Variants in ASB5 observed in about 807,000 individuals in gnomAD.
ASB5 encodes the protein ankyrin repeat and SOCS box protein 5.
A neutral mutation model predicts 42.1 loss-of-function variants in ASB5; 45 were observed. That is an observed-to-expected ratio of 1.07 (90% CI 0.84 to 1.37). ASB5 has a LOEUF of 1.37. Among genes scored for constraint, ASB5 ranks in the 40% most tolerant of loss-of-function variants. ASB5 has a pLI of 0.00. For missense variants in ASB5, 402 were observed against 399.8 expected (o/e 1.01, Z -0.05); for synonymous variants, 147 against 150.6 (o/e 0.98, Z 0.18).
intron 1 of ASB5, among the ~76,000 whole-genome samples, chr4:176,258,380 C>T (rs1306303277): frequency 5.9e-5 from 9 of 152,114 alleles, no homozygotes; most frequent in Non-Finnish European, 1.3e-4. Context: ...GGTTTTTAAC[C>T]TCCATATTCT....
chr4:176,231,998 T>C (rs1220824888), intron 1 of ASB5, among the ~76,000 whole-genome samples: 1 of 152,014 alleles, frequency 6.6e-6, no homozygotes, highest in African/African-American at 2.4e-5. Flanking sequence ...GTTCTCAAAA[T>C]AGGAAAATTA....
intron 1 of ASB5, among the ~76,000 whole-genome samples, chr4:176,276,656 C>A (rs1447210084): frequency 6.6e-6 from 1 of 152,130 alleles, no homozygotes; most frequent in Non-Finnish European, 1.5e-5. Flanking sequence ...TAAAACATAT[C>A]CCACACTGGC....
chr4:176,216,930 G>C lies in ASB5; in HGVS notation c.750C>G (p.Asn250Lys). The change falls in exon 6 of 7, where the codon AAC (asparagine) becomes AAG (lysine). Residue 250 changes from asparagine (N) to lysine (K), a missense_variant. Physicochemically the swap from Asn to Lys is moderately conservative, Grantham distance 94 (BLOSUM62 0). Coordinates refer to ENST00000296525, the MANE Select transcript of ASB5 (RefSeq NM_080874.4). ...AAQQSSTEIVNLLLEFGADIN... is the reference protein window; with the variant it reads ...AAQQSSTEIVKLLLEFGADIN... ...TATCTGCTCCAAATTCTAGCAGTAA[G>C]TTTACAATTTCTGTGCTGGATTGTT... 1 of 1,613,970 alleles carries C rather than the reference G, an allele frequency of 6.2e-7. No individual in the cohort carries two copies. Among genetic ancestry groups the C allele is most frequent in the Non-Finnish European group, 8.5e-7 (1 of 1,179,928 alleles).
At chr4:176,228,898 T>C (rs533926274) in intron 1 of ASB5, among the ~76,000 whole-genome samples, 29 of 152,310 alleles carry the variant, frequency 1.9e-4, no homozygotes, top group Admixed American at 9.2e-4. Context: ...TTAAACAACA[T>C]GATTGCAGAA....
rs149547059 is a variant in ASB5, at chr4:176,221,629, A to G, written c.385-29T>C. 5,600 of 1,556,190 alleles carry G rather than the reference A, an allele frequency of 3.6e-3. 11 individuals are homozygous for G. Among genetic ancestry groups the G allele is most frequent in the Non-Finnish European group, 4.3e-3 (4,841 of 1,136,006 alleles). The stretch of plus-strand genomic sequence containing the variant: ...AACCAAACCAAAATATCCAAACATA[A>G]GATTCATAAGTCATACATGAGTAAC... On this transcript the variant is annotated intron_variant, in intron 3 of 6. Transcript: ENST00000296525.
chr4:176,260,261 G>GAGCCC (rs1418311645), intron 1 of ASB5, among the ~76,000 whole-genome samples: 5 of 152,298 alleles, frequency 3.3e-5, no homozygotes, highest in Non-Finnish European at 5.9e-5. Flanking sequence ...CCTAGCTTCT[G>GAGCCC]AGCCCCTGAC....
chr4:176,217,987 T>C (rs1753020461), intron 5 of ASB5, among the ~76,000 whole-genome samples: 1 of 151,458 alleles, frequency 6.6e-6, no homozygotes, highest in Non-Finnish European at 1.5e-5. Flanking sequence ...AAAACAAATA[T>C]AAAATGTTTC....
At chr4:176,266,220 T>A (rs1024170351) in intron 1 of ASB5, among the ~76,000 whole-genome samples, 1 of 152,202 alleles carries the variant, frequency 6.6e-6, no homozygotes, top group Non-Finnish European at 1.5e-5. Context: ...GCATCCAGCA[T>A]GTTGTCAACA....
chr4:176,220,696 A>G (rs957276357), intron 5 of ASB5, among the ~76,000 whole-genome samples: 1 of 152,198 alleles, frequency 6.6e-6, no homozygotes, highest in African/African-American at 2.4e-5. Flanking sequence ...GCAGGACAGA[A>G]AGTACAAAGT....
upstream of ASB5, among the ~76,000 whole-genome samples, chr4:176,269,852 A>G (rs1314855428): frequency 6.6e-6 from 1 of 152,206 alleles, no homozygotes; most frequent in Non-Finnish European, 1.5e-5. Flanking sequence ...TCAGGTAAAT[A>G]TAAAGAAGGT....
At chr4:176,249,006 G>A (rs182536575) in intron 1 of ASB5, among the ~76,000 whole-genome samples, 5 of 152,228 alleles carry the variant, frequency 3.3e-5, no homozygotes, top group African/African-American at 9.6e-5. Context: ...TTGTTCTGTC[G>A]CCCAGGCTAG....
Position 176,254,038 on chromosome 4 carries a change from A to T in ASB5, c.196+14875T>A, listed in dbSNP as rs574651712. On this transcript the variant is annotated intron_variant, in intron 1 of 6. Transcript: ENST00000296525. ...TGCCAAACCAGGAACATCATTTTTC[A>T]CAGAACTAGAAAAACCTATTATAAA... Among the ~76,000 whole-genome samples the T allele has an allele frequency of 2.0e-5, 3 of 152,328 alleles. No individual in the cohort carries two copies. The South Asian group carries it at 6.2e-4, about 32-fold the overall frequency.
At chr4:176,275,965 G>A (rs1262674896) in intron 1 of ASB5, 2 of 151,868 alleles carry the variant, frequency 1.3e-5, no homozygotes, top group Non-Finnish European at 2.9e-5. Flanking sequence ...AAGCTTAATG[G>A]GATAAAATAA....
chr4:176,253,195 T>C (rs375790217), intron 1 of ASB5, among the ~76,000 whole-genome samples: 7 of 152,298 alleles, frequency 4.6e-5, no homozygotes, highest in African/African-American at 1.7e-4. Flanking sequence ...TAATATATAC[T>C]GGAAAAACAA....
chr4:176,217,851 A>C (rs1226391953), intron 5 of ASB5, among the ~76,000 whole-genome samples: 1 of 151,926 alleles, frequency 6.6e-6, no homozygotes, highest in Non-Finnish European at 1.5e-5. Flanking sequence ...GTTCTTTTCA[A>C]CTCTGTTTTC....
Position 176,258,671 on chromosome 4 carries a change from C to T in ASB5, c.196+10242G>A, listed in dbSNP as rs74540704. On this transcript the variant is annotated intron_variant, in intron 1 of 6. Transcript: ENST00000296525. ...AAAGTACATAGTTTTTTTTCTTCTA[C>T]TTAAAAACATTGTCTTTCAAAAGTA... Among the ~76,000 whole-genome samples, 1,012 of 152,128 alleles carry T rather than the reference C, an allele frequency of 6.7e-3. 30 individuals carry two copies. Among genetic ancestry groups the T allele is most frequent in the East Asian group, 0.014 (73 of 5,172 alleles).
At chr4:176,254,860 G>A (rs1443922942) in intron 1 of ASB5, among the ~76,000 whole-genome samples, 3 of 152,080 alleles carry the variant, frequency 2.0e-5, no homozygotes, top group African/African-American at 7.2e-5. Flanking sequence ...GGCCAGGTGC[G>A]GTGGCTCATG....
At chr4:176,238,523 G>A (rs78499830) in intron 1 of ASB5, among the ~76,000 whole-genome samples, 1 of 152,206 alleles carries the variant, frequency 6.6e-6, no homozygotes. Flanking sequence ...CAGAGTCTAT[G>A]ATGGAATCAA....
Position 176,242,019 on chromosome 4 carries a change from T to C in ASB5, c.197-16678A>G, listed in dbSNP as rs370213421. On this transcript the variant is annotated intron_variant, in intron 1 of 6. Coordinates refer to ENST00000296525, the MANE Select transcript of ASB5 (RefSeq NM_080874.4). Reference sequence around the variant, plus strand: ...GGAAGGGTCAAAGGGGAAGATCCGGTGACAGGAGGACAAGCTTTACCTCCG... The same window carrying C: ...GGAAGGGTCAAAGGGGAAGATCCGGCGACAGGAGGACAAGCTTTACCTCCG... 1.7e-4 allele frequency among the ~76,000 whole-genome samples: 26 copies of C among 152,224 alleles called. No homozygotes were observed. The East Asian group carries it at 4.1e-3, about 24-fold the overall frequency.
Sources: gnomAD v4.1 joint callset for allele counts (sites outside exome capture counted in the v4.1 genomes callset) on GRCh38, gnomAD v4.1.1 for gene constraint, MANE v1.5 for transcripts, NCBI Gene and HGNC (gene_info 2026-07-23, HGNC 2026-07-21) for gene names.